PLPP2: variants seen among roughly 807,000 people sequenced by gnomAD.
The protein encoded by PLPP2 is PAP2-gamma.
PLPP2 carries 29 observed loss-of-function variants against 35.2 expected under a neutral mutation model. The observed-to-expected ratio is 0.82, with a 90% CI of 0.61 to 1.12. PLPP2 has a LOEUF of 1.12. PLPP2 is among the 50% of genes most tolerant of loss of function. The pLI, the probability that PLPP2 is intolerant of heterozygous loss-of-function variation, is 0.00. For synonymous variants in PLPP2, 162 were observed against 167.0 expected (o/e 0.97, Z 0.23); for missense variants, 353 against 375.2 (o/e 0.94, Z 0.49).
rs1970284080 is a variant in PLPP2 at position 287,208 on chromosome 19, C to T, written c.482+266G>A. 2.4e-6 allele frequency: 1 copy of T among 413,912 alleles called. No homozygotes were observed. Among genetic ancestry groups the T allele is most frequent in the Admixed American group, 4.1e-5 (1 of 24,530 alleles). The allele number at this position is 413,912 out of a possible 1,614,324, so 25.6% of individuals were successfully genotyped here. A position where few individuals can be genotyped will look rare whatever the true frequency, so the allele number is the denominator to read the frequency against. ...TCTCATTCTATGATGATGAAATGGTCAATCTTTCAAAAATATATAACAATT... is the reference window on the plus strand; with the variant it reads ...TCTCATTCTATGATGATGAAATGGTTAATCTTTCAAAAATATATAACAATT... On this transcript the variant is annotated intron_variant, in intron 3 of 5. Transcript: ENST00000434325. This position sits in a 1 kb window ranked among gnomAD's most constrained non-coding sequence, Gnocchi z 4.3.
In PLPP2 at chr19:282,755, C is replaced by G; in HGVS notation, c.537G>C (p.Leu179Phe). 6.2e-7 allele frequency: 1 copy of G among 1,613,338 alleles called. No individual in the cohort carries two copies. The highest frequency in any genetic ancestry group is 8.5e-7 in the Non-Finnish European group (1 of 1,179,444). ...AGCCCGGGAGAAACAGACTCACCGC[C>G]AAGAACACCATGCAGTACATCCCAA... ...SSFGMYCMVF[L>F]ALYVQARLCW... Residue 179 changes from leucine to phenylalanine, a missense_variant, in exon 4 of 6, where the codon TTG becomes TTC. Coordinates refer to ENST00000434325, the MANE Select transcript of PLPP2 (RefSeq NM_003712.4).
chr19:282,262 G>A lies in PLPP2; in HGVS notation c.589C>T (p.Pro197Ser), dbSNP rs1429272864. The change falls in exon 5 of 6, where the codon CCC becomes TCC. Residue 197 changes from proline to serine, a missense_variant. Transcript: ENST00000434325. ...LCWKWARLLR[P>S]TVQFFLVAFA... ...GCCACCAGGAAGAACTGGACTGTGG[G>A]TCGCAGCAGCCGTGCCCACTTCCAA... 2.5e-6 allele frequency: 4 copies of A among 1,613,888 alleles called. No individual in the cohort carries two copies. Among genetic ancestry groups the A allele is most frequent in the Admixed American group, 1.7e-5 (1 of 60,006 alleles).
At chr19:283,182 T>C (rs1970212741) in intron 3 of PLPP2, 1 of 186,924 alleles carries the variant, frequency 5.3e-6, no homozygotes, top group Non-Finnish European at 1.1e-5. Flanking sequence ...CAAGATTCGG[T>C]GAAGGACATC....
chr19:288,066 G>C lies in PLPP2; in HGVS notation c.158C>G (p.Thr53Ser). ...GGTGACCCCAGCCATGAGCCCGTGG[G>C]TGATGGTATCTGGACGGTAGGGGTA... ...IRYPYRPDTITHGLMAGVTIT... is the reference protein window; with the variant it reads ...IRYPYRPDTISHGLMAGVTIT... The change falls in exon 2 of 6, where the codon ACC becomes AGC. Residue 53 changes from threonine to serine, a missense_variant. Coordinates refer to ENST00000434325, the MANE Select transcript of PLPP2 (RefSeq NM_003712.4). The C allele has an allele frequency of 6.2e-7, 1 of 1,613,926 alleles. No homozygotes were observed. Among genetic ancestry groups the C allele is most frequent in the Non-Finnish European group, 8.5e-7 (1 of 1,179,992 alleles).
intron 5 of PLPP2, among the ~76,000 whole-genome samples, 182 bp from the exon 6 acceptor site, chr19:281,719 T>C (rs903996617): frequency 2.0e-5 from 3 of 147,794 alleles, no homozygotes; most frequent in Admixed American, 6.7e-5. Context: ...TGGGGAGCAC[T>C]GAGGAGCTGA....
intron 1 of PLPP2, 92 bp downstream of exon 1, chr19:291,193 A>G: frequency 6.3e-7 from 1 of 1,578,880 alleles, no homozygotes; most frequent in South Asian, 1.1e-5. Context: ...GAGGGCGCGC[A>G]GCCTCCGCGT....
rs773977294 is a variant in PLPP2, at chr19:287,635, G to C, written c.321C>G (p.Ala107=). The C allele has an allele frequency of 2.7e-5, 44 of 1,613,784 alleles. No individual in the cohort carries two copies. Among genetic ancestry groups the C allele is most frequent in the Non-Finnish European group, 3.6e-5 (42 of 1,180,034 alleles). The change falls in exon 3 of 6, where the codon GCC becomes GCG. Residue 107 remains alanine (A), a synonymous_variant. Coordinates refer to ENST00000434325, the MANE Select transcript of PLPP2 (RefSeq NM_003712.4). The surrounding 1 kb of genome is among the most constrained non-coding windows in gnomAD (Gnocchi z 4.3). ...CCAGGTCTGTCAGAGACTGGCTCACGGCAGCCCCAAACAGGAAGGTCCCCA... is the reference window on the plus strand; with the variant it reads ...CCAGGTCTGTCAGAGACTGGCTCACCGCAGCCCCAAACAGGAAGGTCCCCA... ...KVLGTFLFGA[A]VSQSLTDLAK... is the part of the protein sequence containing the mutation.
chr19:282,449 C>T (rs113201138), intron 4 of PLPP2, 139 bp from the exon 5 acceptor site: 113,828 of 493,258 alleles, frequency 0.23, 15,637 homozygotes, highest in South Asian at 0.33. Flanking sequence ...ACCTGCCAGG[C>T]GCTCCCCCTC....
At chr19:285,878 C>T (rs142356366) in intron 3 of PLPP2, 3,253 of 151,964 alleles carry the variant, frequency 0.021, 182 homozygotes, top group Admixed American at 0.13. Context: ...GTAGGAGAAT[C>T]GCTTGAACCC....
chr19:287,291 G>A lies in PLPP2; in HGVS notation c.482+183C>T, dbSNP rs1970285056. 2 of 720,222 alleles carry A rather than the reference G, an allele frequency of 2.8e-6. No individual in the cohort carries two copies. Among genetic ancestry groups the A allele is most frequent in the East Asian group, 5.4e-5 (2 of 37,288 alleles). 44.6% of individuals were successfully genotyped at this position (720,222 alleles called of 1,614,324 possible). ...AAAATACTTAAAGCAAAAACTGACA[G>A]AATGTTACAACATGGATGAACTTCA... is the stretch of plus-strand genomic sequence containing the variant. On this transcript the variant is annotated intron_variant, in intron 3 of 5. Coordinates refer to ENST00000434325, the MANE Select transcript of PLPP2 (RefSeq NM_003712.4). This position sits in a 1 kb window ranked among gnomAD's most constrained non-coding sequence, Gnocchi z 4.3.
rs778380218 is a variant in PLPP2, at chr19:291,375, G to A, written c.-39C>T. ...CCCGACGCCGGTCCCAGCGCGTCCCGTCGCGTCCCGGCCCGGCCGCGGAGT... is the reference window on the plus strand; with the variant it reads ...CCCGACGCCGGTCCCAGCGCGTCCCATCGCGTCCCGGCCCGGCCGCGGAGT... On this transcript the variant is annotated 5_prime_UTR_variant, in exon 1 of 6. It adds an upstream start codon to the 5' untranslated region. Coordinates refer to ENST00000434325, the MANE Select transcript of PLPP2 (RefSeq NM_003712.4). 6.4e-7 allele frequency: 1 copy of A among 1,574,184 alleles called. No individual in the cohort carries two copies. The highest frequency in any genetic ancestry group is 2.4e-5 in the East Asian group (1 of 41,754).
intron 1 of PLPP2, 48 bp from the exon 2 acceptor site, chr19:288,219 G>A (rs769198390): frequency 5.0e-5 from 77 of 1,532,416 alleles, no homozygotes; most frequent in Non-Finnish European, 6.7e-5. Flanking sequence ...CTCACCAGCT[G>A]GGCCTTGGGG....
rs760232332 is a variant in PLPP2 at position 291,356 on chromosome 19, G to A, written c.-20C>T. On this transcript the variant is annotated 5_prime_UTR_variant, in exon 1 of 6. Transcript: ENST00000434325. Reference sequence around the variant, plus strand: ...CTGCATGGTCCCCGCGACCCCCGACGCCGGTCCCAGCGCGTCCCGTCGCGT... The same window carrying A: ...CTGCATGGTCCCCGCGACCCCCGACACCGGTCCCAGCGCGTCCCGTCGCGT... 3 of 1,586,648 alleles carry A rather than the reference G, an allele frequency of 1.9e-6. No homozygotes were observed. Among genetic ancestry groups the A allele is most frequent in the Non-Finnish European group, 1.7e-6 (2 of 1,168,838 alleles).
chr19:289,106 C>T (rs1436319254), intron 1 of PLPP2, among the ~76,000 whole-genome samples: 1 of 152,156 alleles, frequency 6.6e-6, no homozygotes, highest in Non-Finnish European at 1.5e-5. Flanking sequence ...CTCCTGGGGC[C>T]CTGCTGAGCT....
At chr19:282,574 A>G (rs1008391173) in intron 4 of PLPP2, among the ~76,000 whole-genome samples, 178 bp downstream of exon 4, 2 of 150,404 alleles carry the variant, frequency 1.3e-5, no homozygotes, top group African/African-American at 4.9e-5. Flanking sequence ...AGATGGCAGC[A>G]CTGAGGCCGG....
intron 3 of PLPP2, chr19:286,256 G>A (rs1183019701): frequency 6.6e-6 from 1 of 151,924 alleles, no homozygotes; most frequent in Non-Finnish European, 1.5e-5. Flanking sequence ...AGGATTGCTT[G>A]AGCCCAGGCA....
In PLPP2 at chr19:281,549, G is replaced by C. The variant is rs1357274741; in HGVS notation, c.718-12C>G. ...GAGATGTAGCAGACCTGGTAGAGCA[G>C]AGGGTGGTGAGAATGGGCAGGGGGC... On this transcript the variant is annotated splice_polypyrimidine_tract_variant and intron_variant, in intron 5 of 5. Coordinates refer to ENST00000434325, the MANE Select transcript of PLPP2 (RefSeq NM_003712.4). The C allele has an allele frequency of 6.8e-7, 1 of 1,465,180 alleles. No individual in the cohort carries two copies. The highest frequency in any genetic ancestry group is 9.1e-7 in the Non-Finnish European group (1 of 1,101,928). The allele number at this position is 1,465,180 out of a possible 1,614,324, so 90.8% of individuals were successfully genotyped here. A position where few individuals can be genotyped will look rare whatever the true frequency, so the allele number is the denominator to read the frequency against.
chr19:291,377 C>A lies in PLPP2; in HGVS notation c.-41G>T. The A allele has an allele frequency of 6.4e-7, 1 of 1,568,710 alleles. No individual in the cohort carries two copies. Among genetic ancestry groups the A allele is most frequent in the Non-Finnish European group, 8.6e-7 (1 of 1,159,362 alleles). On this transcript the variant is annotated 5_prime_UTR_variant, in exon 1 of 6. Coordinates refer to ENST00000434325, the MANE Select transcript of PLPP2 (RefSeq NM_003712.4). ...CGACGCCGGTCCCAGCGCGTCCCGT[C>A]GCGTCCCGGCCCGGCCGCGGAGTCA...
rs369641940 is a variant in PLPP2, at chr19:282,842, A to G, written c.483-33T>C. ...AGGAGAAGGGGCAGGTGGCTCACTC[A>G]GCGCCTTCCAACCTCCCCCTTGTCC... On this transcript the variant is annotated intron_variant, in intron 3 of 5. Coordinates refer to ENST00000434325, the MANE Select transcript of PLPP2 (RefSeq NM_003712.4). 211 of 1,601,670 alleles carry G rather than the reference A, an allele frequency of 1.3e-4. 1 individual carries two copies. Among genetic ancestry groups the G allele is most frequent in the South Asian group, 4.1e-4 (37 of 90,836 alleles).
Sources: gnomAD v4.1 joint callset for allele counts (sites outside exome capture counted in the v4.1 genomes callset) on GRCh38, gnomAD v4.1.1 for gene constraint, Gnocchi (gnomAD v3.1) non-coding constraint, MANE v1.5 for transcripts, NCBI Gene and HGNC (gene_info 2026-07-23, HGNC 2026-07-21) for gene names.